The following EML5 variants were observed in gnomAD, a reference collection of about 807,000 sequenced individuals.
The protein encoded by EML5 is echinoderm microtubule-associated protein-like 5.
In EML5, 120 loss-of-function variants were observed where a neutral mutation model predicts 250.0. That is an observed-to-expected ratio of 0.48 (90% CI 0.41 to 0.56). The LOEUF (loss-of-function observed/expected upper bound fraction) is 0.56. Ranked by LOEUF, EML5 falls within the 20% of genes least tolerant of loss-of-function variation. The pLI is 0.00. For synonymous variants in EML5, 771 were observed against 806.5 expected, an observed-to-expected ratio of 0.96 and a Z score of 0.75; for missense variants, 2,006 against 2,437.6, an observed-to-expected ratio of 0.82 and a Z score of 3.73.
intron 1 of EML5, among the ~76,000 whole-genome samples, chr14:88,758,951 T>C (rs1302510362): frequency 6.6e-6 from 1 of 152,182 alleles, no homozygotes; most frequent in Non-Finnish European, 1.5e-5. Context: ...GTCCAGAATA[T>C]GCAAATCCAT....
intron 10 of EML5, among the ~76,000 whole-genome samples, chr14:88,710,736 TAACAAAAAAGCTAACAAATGGGA>T (rs2093391137): frequency 1.3e-5 from 2 of 151,794 alleles, no homozygotes; most frequent in African/African-American, 4.9e-5. Flanking sequence ...AATAAATTAC[TAACAAAAAAGCTAACAAATGGGA>T]AACAAAAAAG....
At chr14:88,658,544 A>G (rs932060955) in intron 25 of EML5, among the ~76,000 whole-genome samples, 156 bp from the exon 26 acceptor site, 2 of 152,210 alleles carry the variant, frequency 1.3e-5, no homozygotes, top group African/African-American at 4.8e-5. Context: ...GCAGAATAAA[A>G]GATACCAATT....
chr14:88,778,647 C>T (rs757027789), intron 1 of EML5, among the ~76,000 whole-genome samples: 4 of 152,146 alleles, frequency 2.6e-5, no homozygotes, highest in Admixed American at 6.5e-5. Context: ...GGCAATGTGG[C>T]GCACGCCTGT....
chr14:88,708,113 C>T (rs1283993702), intron 10 of EML5, among the ~76,000 whole-genome samples: 1 of 152,058 alleles, frequency 6.6e-6, no homozygotes, highest in African/African-American at 2.4e-5. Flanking sequence ...TTGGATAAAC[C>T]AAGGCAGCTA....
rs773498602 is a variant in EML5 at position 88,625,038 on chromosome 14, G to A, written c.4830C>T (p.Asn1610=). 2.0e-5 allele frequency: 33 copies of A among 1,612,860 alleles called. No homozygotes were observed. Among genetic ancestry groups the A allele is most frequent in the South Asian group, 5.5e-5 (5 of 90,970 alleles). Residue 1610 remains asparagine, a synonymous_variant, in exon 36 of 44, where the codon AAC becomes AAT. Coordinates refer to ENST00000554922, the MANE Select transcript of EML5 (RefSeq NM_183387.3). ...TGGTGTACATGGCAAACACAGGCCC[G>A]TTGTGAGCTCTCGCCACGATTCTAC... ...ILCRIVARAH[N]GPVFAMYTTL... is the part of the protein sequence containing the mutation.
intron 21 of EML5, among the ~76,000 whole-genome samples, chr14:88,667,225 A>G (rs928031380): frequency 6.6e-6 from 1 of 152,202 alleles, no homozygotes; most frequent in Non-Finnish European, 1.5e-5. Flanking sequence ...GGAGCTGCAT[A>G]TAATGTTTGT....
rs1327248460 is a variant in EML5 at position 88,615,009 on chromosome 14, A to T, written c.*809T>A. 6.6e-6 allele frequency: 1 copy of T among 152,234 alleles called. No homozygotes were observed. Among genetic ancestry groups the T allele is most frequent in the Non-Finnish European group, 1.5e-5 (1 of 68,036 alleles). The allele number at this position is 152,234 out of a possible 1,614,324, so 9.4% of individuals were successfully genotyped here. Reference sequence around the variant, plus strand: ...AATATGCAATTCTTTCTTCCAGTTAAATACTGTTGCTCCCTAAAACCCTTA... The same window carrying T: ...AATATGCAATTCTTTCTTCCAGTTATATACTGTTGCTCCCTAAAACCCTTA... On this transcript the variant is annotated 3_prime_UTR_variant, in exon 44 of 44. Transcript: ENST00000554922.
chr14:88,715,159 C>T lies in EML5; in HGVS notation c.1224G>A (p.Lys408=), dbSNP rs1210078078. ...AATATTTTAACTCATGAATTGCCTC[C>T]TTCCTATCTTTAATATGTACAACTT... ...MTEVVHIKDR[K]EAIHELKYSP... is the part of the protein sequence containing the mutation. Residue 408 remains lysine, a synonymous_variant, in exon 9 of 44, where the codon AAG becomes AAA. Transcript: ENST00000554922. 2 of 1,605,084 alleles carry T rather than the reference C, an allele frequency of 1.2e-6. No individual in the cohort carries two copies. Among genetic ancestry groups the T allele is most frequent in the Admixed American group, 1.7e-5 (1 of 58,350 alleles).
At chr14:88,779,338 A>G (rs894563871) in intron 1 of EML5, among the ~76,000 whole-genome samples, 1 of 152,212 alleles carries the variant, frequency 6.6e-6, no homozygotes, top group Non-Finnish European at 1.5e-5. Flanking sequence ...GATTTACTCA[A>G]CAGAAAGGGA....
chr14:88,715,248 A>G, intron 8 of EML5, 53 bp from the exon 9 acceptor site: 1 of 1,492,726 alleles, frequency 6.7e-7, no homozygotes, highest in South Asian at 1.3e-5. Context: ...AACAGAATTA[A>G]TGCCGTTTCA....
At chr14:88,624,490 G>T (rs921950613) in intron 36 of EML5, 1 of 153,956 alleles carries the variant, frequency 6.5e-6, no homozygotes, top group Non-Finnish European at 1.4e-5. Context: ...CTCAAATTTT[G>T]AGGTCTTGTA....
intron 27 of EML5, among the ~76,000 whole-genome samples, chr14:88,654,815 T>C (rs1025997412): frequency 6.6e-6 from 1 of 152,138 alleles, no homozygotes; most frequent in Non-Finnish European, 1.5e-5. Flanking sequence ...CAGAGCTGAG[T>C]TCAACTCCTG....
chr14:88,613,672 A>G lies in EML5; in HGVS notation c.*2146T>C, dbSNP rs940381881. The G allele has an allele frequency of 2.6e-5, 4 of 152,148 alleles. No individual in the cohort carries two copies. The highest frequency in any genetic ancestry group is 2.6e-4 in the Admixed American group (4 of 15,262). The allele number at this position is 152,148 out of a possible 1,614,324, so 9.4% of individuals were successfully genotyped here. On this transcript the variant is annotated 3_prime_UTR_variant, in exon 44 of 44. Transcript: ENST00000554922. The stretch of plus-strand genomic sequence containing the variant: ...AAAGGGACCACAAAAAAAGGAAGGA[A>G]ATGAGCATGGTTGGCGATTGGAAGC...
chr14:88,701,962 G>A (rs74793027), intron 14 of EML5, among the ~76,000 whole-genome samples: 1,566 of 152,224 alleles, frequency 0.01, 24 homozygotes, highest in African/African-American at 0.036. Flanking sequence ...ATATAGAGAG[G>A]TATCAGTTAA....
chr14:88,747,653 A>G (rs1445092784), intron 2 of EML5, among the ~76,000 whole-genome samples: 1 of 152,222 alleles, frequency 6.6e-6, no homozygotes, highest in Non-Finnish European at 1.5e-5. Flanking sequence ...AAAGAATACG[A>G]GACTATAAAA....
rs78636629 is a variant in EML5 at position 88,637,119 on chromosome 14, A to T, written c.4336+1690T>A. ...AACAAGCCTGACAGCAAAGTAACAAAACAATTCTCTTTATGTGTGAGGAGA... is the reference window on the plus strand; with the variant it reads ...AACAAGCCTGACAGCAAAGTAACAATACAATTCTCTTTATGTGTGAGGAGA... On this transcript the variant is annotated intron_variant, in intron 32 of 43. Coordinates refer to ENST00000554922, the MANE Select transcript of EML5 (RefSeq NM_183387.3). Among the ~76,000 whole-genome samples, 2,160 of 152,280 alleles carry T rather than the reference A, an allele frequency of 0.014. 110 individuals carry two copies. The East Asian group carries it at 0.19, about 13-fold the overall frequency.
At chr14:88,725,969 A>C (rs1203389820) in intron 8 of EML5, among the ~76,000 whole-genome samples, 3 of 151,032 alleles carry the variant, frequency 2.0e-5, no homozygotes, top group African/African-American at 7.2e-5. Flanking sequence ...TAGAGAAGAA[A>C]GACTTCGTAA....
chr14:88,720,422 C>T (rs2093571906), intron 8 of EML5, among the ~76,000 whole-genome samples: 1 of 152,054 alleles, frequency 6.6e-6, no homozygotes, highest in African/African-American at 2.4e-5. Flanking sequence ...CATCAAAAAG[C>T]TTATCCACCA....
rs530293725 is a variant in EML5, at chr14:88,672,332, A to T, written c.3125-6843T>A. Among the ~76,000 whole-genome samples, 8 of 152,316 alleles carry T rather than the reference A, an allele frequency of 5.3e-5. No homozygotes were observed. The South Asian group carries it at 1.0e-3, about 20-fold the overall frequency. ...TAATGAAATTAAGGCAGAGATCAAG[A>T]AGTCCTTTGAAACCAATAAGAACAT... On this transcript the variant is annotated intron_variant, in intron 21 of 43. Coordinates refer to ENST00000554922, the MANE Select transcript of EML5 (RefSeq NM_183387.3).
Sources: gnomAD v4.1 joint callset for allele counts (sites outside exome capture counted in the v4.1 genomes callset) on GRCh38, gnomAD v4.1.1 for gene constraint, MANE v1.5 for transcripts, NCBI Gene and HGNC (gene_info 2026-07-23, HGNC 2026-07-21) for gene names.